The following DGKH variants were observed in gnomAD, a reference collection of about 807,000 sequenced individuals.
The protein encoded by DGKH is DAG kinase eta.
A neutral mutation model predicts 159.3 loss-of-function variants in DGKH; 90 were observed. The ratio of observed to expected loss-of-function variants is 0.57; its 90% CI spans 0.48 to 0.67. The LOEUF (loss-of-function observed/expected upper bound fraction) is 0.67. Among genes scored for constraint, DGKH ranks in the 30% least tolerant of loss-of-function variants. The pLI is 0.00. For missense variants in DGKH, 1,181 were observed against 1,506.1 expected, an observed-to-expected ratio of 0.78 and a Z score of 3.57; for synonymous variants, 536 against 553.8, an observed-to-expected ratio of 0.97 and a Z score of 0.45.
rs1566139142 is a variant in DGKH, at chr13:42,155,740, T to G, written c.563T>G (p.Phe188Cys). The G allele has an allele frequency of 1.2e-6, 2 of 1,614,082 alleles. No individual in the cohort carries two copies. The highest frequency in any genetic ancestry group is 4.5e-5 in the East Asian group (2 of 44,882). The change falls in exon 5 of 30, where the codon TTC (phenylalanine) becomes TGC (cysteine). Residue 188 changes from phenylalanine (F) to cysteine (C), a missense_variant. Physicochemically the swap from Phe to Cys is radical, Grantham distance 205. Around this residue, in one of 5 missense-constraint regions of DGKH, gnomAD observed 369 missense variants for 519.4 expected, o/e 0.71. Coordinates refer to ENST00000337343, the MANE Select transcript of DGKH (RefSeq NM_178009.5). ...WYACSHARPT[F>C]CNVCRESLSG... ...GCCTGCTCCCACGCCCGACCCACCT[T>G]CTGTAACGTGTGCAGAGAGAGTCTT...
chr13:42,056,846 C>A (rs1881797969), intron 1 of DGKH, among the ~76,000 whole-genome samples: 2 of 152,088 alleles, frequency 1.3e-5, no homozygotes, highest in Non-Finnish European at 2.9e-5. Context: ...CCTTAGATTC[C>A]TCTTTTCCTC....
intron 1 of DGKH, among the ~76,000 whole-genome samples, chr13:42,060,422 A>G (rs1477639421): frequency 1.3e-5 from 2 of 152,120 alleles, no homozygotes; most frequent in Non-Finnish European, 2.9e-5. Context: ...TCCTTTGCCT[A>G]CCAGACATTT....
At position 42,170,836 on chromosome 13, in the gene DGKH, G is replaced by A. The variant is rs558412498; in HGVS notation, c.1367+2018G>A. Among the ~76,000 whole-genome samples, 4 of 151,886 alleles carry A rather than the reference G, an allele frequency of 2.6e-5. No individual in the cohort carries two copies. In the South Asian group the frequency reaches 6.2e-4, roughly 24 times the overall value. ...TGGGTACCTGTAATCCCAGCTACTCGGGAGGCTGAGGCAGGAGAATCGCTT... is the reference window on the plus strand; with the variant it reads ...TGGGTACCTGTAATCCCAGCTACTCAGGAGGCTGAGGCAGGAGAATCGCTT... On this transcript the variant is annotated intron_variant, in intron 11 of 29. Transcript: ENST00000337343.
At chr13:42,101,770 T>TGAGA (rs200359713) in intron 1 of DGKH, among the ~76,000 whole-genome samples, 2 of 146,374 alleles carry the variant, frequency 1.4e-5, no homozygotes, top group Non-Finnish European at 3.0e-5. Flanking sequence ...TATGTGTGTG[T>TGAGA]GTGAGAGAGA....
chr13:42,147,542 A>T (rs1390848187), intron 3 of DGKH, among the ~76,000 whole-genome samples: 1 of 152,222 alleles, frequency 6.6e-6, no homozygotes, highest in Non-Finnish European at 1.5e-5. Flanking sequence ...GTCTTGTACA[A>T]AGCCATTTAC....
chr13:42,168,421 A>G lies in DGKH; in HGVS notation c.1119-19A>G. 1 of 1,600,648 alleles carries G rather than the reference A, an allele frequency of 6.2e-7. No individual in the cohort carries two copies. Among genetic ancestry groups the G allele is most frequent in the South Asian group, 1.1e-5 (1 of 90,108 alleles). On this transcript the variant is annotated intron_variant, in intron 9 of 29. Coordinates refer to ENST00000337343, the MANE Select transcript of DGKH (RefSeq NM_178009.5). ...ATTTTTATTTCTTTATACTAAAATA[A>G]AATCCTTTTTGCTTTCAGTTTAAGA...
intron 1 of DGKH, among the ~76,000 whole-genome samples, chr13:42,105,295 G>T (rs1165031043): frequency 2.0e-5 from 3 of 152,082 alleles, no homozygotes; most frequent in African/African-American, 7.2e-5. Flanking sequence ...GCACGAGGGG[G>T]TTAAACTCGT....
downstream of DGKH, among the ~76,000 whole-genome samples, chr13:42,244,060 A>G (rs1958556650): frequency 1.3e-5 from 2 of 151,964 alleles, no homozygotes; most frequent in African/African-American, 4.8e-5. Flanking sequence ...ATGAGGGGAG[A>G]GAAGAAACAT....
At chr13:42,106,961 T>C (rs1425005669) in intron 1 of DGKH, among the ~76,000 whole-genome samples, 1 of 152,130 alleles carries the variant, frequency 6.6e-6, no homozygotes, top group African/African-American at 2.4e-5. Flanking sequence ...GGAGAATCAC[T>C]TGAACCTGGG....
chr13:42,185,598 A>T (rs917206006), intron 13 of DGKH, among the ~76,000 whole-genome samples: 5 of 151,800 alleles, frequency 3.3e-5, no homozygotes, highest in African/African-American at 1.2e-4. Flanking sequence ...GGCAAGAAAA[A>T]CCTCTATTTC....
intron 13 of DGKH, among the ~76,000 whole-genome samples, chr13:42,180,650 G>C (rs1341744344): frequency 6.6e-6 from 1 of 152,144 alleles, no homozygotes; most frequent in Non-Finnish European, 1.5e-5. Context: ...TCCCTAACCA[G>C]CTTGCCTGCC....
At chr13:42,124,318 CTTA>C (rs1955129920) in intron 1 of DGKH, among the ~76,000 whole-genome samples, 1 of 133,938 alleles carries the variant, frequency 7.5e-6, no homozygotes, top group African/African-American at 2.9e-5. Context: ...AATAATTTGA[CTTA>C]TTTAGAAATT....
At chr13:42,126,341 G>A (rs1955172229) in intron 1 of DGKH, among the ~76,000 whole-genome samples, 1 of 152,248 alleles carries the variant, frequency 6.6e-6, no homozygotes, top group Admixed American at 6.5e-5. Flanking sequence ...AGTTACTCAG[G>A]TGGGTCTCAT....
chr13:42,184,622 G>A (rs1414349897), intron 13 of DGKH, among the ~76,000 whole-genome samples: 1 of 152,098 alleles, frequency 6.6e-6, no homozygotes, highest in Non-Finnish European at 1.5e-5. Flanking sequence ...ATTGCTTTGG[G>A]AGTGCAAGTC....
chr13:42,127,824 T>C (rs1955201737), intron 2 of DGKH, among the ~76,000 whole-genome samples: 1 of 152,228 alleles, frequency 6.6e-6, no homozygotes, highest in South Asian at 2.1e-4. Context: ...TTCTTCTTTC[T>C]TTCCAATTAA....
intron 29 of DGKH, chr13:42,225,455 A>G (rs934101584): frequency 5.3e-6 from 5 of 946,450 alleles, no homozygotes; most frequent in Non-Finnish European, 7.5e-6. Flanking sequence ...TGGACTGTTT[A>G]TCCAGGGAAA....
intron 1 of DGKH, chr13:42,069,424 C>T (rs1882807912): frequency 5.2e-6 from 8 of 1,546,628 alleles, no homozygotes; most frequent in Non-Finnish European, 6.2e-6. Flanking sequence ...AGTTGGGACA[C>T]TGAGCTATTC....
At chr13:42,255,997 C>T in intron 30 of DGKH, 1 of 1,596,054 alleles carries the variant, frequency 6.3e-7, no homozygotes. Flanking sequence ...ACACTACTGC[C>T]TGTAGTCTGA....
At chr13:42,065,782 G>A (rs1451435432) in intron 1 of DGKH, among the ~76,000 whole-genome samples, 1 of 152,152 alleles carries the variant, frequency 6.6e-6, no homozygotes, top group Admixed American at 6.5e-5. Flanking sequence ...AGTAAAATGT[G>A]GATTATTGTC....
Sources: allele counts gnomAD v4.1 joint callset (sites outside exome capture counted in the v4.1 genomes callset), GRCh38; gene constraint gnomAD v4.1.1; regional missense constraint gnomAD v4.1.1; transcripts MANE v1.5; gene names NCBI Gene and HGNC (gene_info 2026-07-23, HGNC 2026-07-21).